EYA4: variants seen among roughly 807,000 people sequenced by gnomAD.
EYA4 encodes the protein protein phosphatase EYA4.
A neutral mutation model predicts 87.9 loss-of-function variants in EYA4; 31 were observed. The ratio of observed to expected loss-of-function variants is 0.35; its 90% CI spans 0.27 to 0.48. The LOEUF is 0.48. Among genes scored for constraint, EYA4 ranks in the 20% least tolerant of loss-of-function variants. The pLI, the probability that EYA4 is intolerant of heterozygous loss-of-function variation, is 0.99. For missense variants in EYA4, 678 were observed against 761.4 expected, an observed-to-expected ratio of 0.89 and a Z score of 1.29; for synonymous variants, 263 against 270.6, an observed-to-expected ratio of 0.97 and a Z score of 0.28.
At chr6:133,468,850 A>G in intron 11 of EYA4, 119 bp downstream of exon 11, 1 of 1,015,070 alleles carries the variant, frequency 9.9e-7, no homozygotes, top group Non-Finnish European at 1.5e-6. Flanking sequence ...CTGATGTTTA[A>G]TCTGTGTTAG....
chr6:133,246,549 C>T (rs1774423334), intron 1 of EYA4, among the ~76,000 whole-genome samples: 1 of 151,670 alleles, frequency 6.6e-6, no homozygotes, highest in African/African-American at 2.4e-5. Context: ...TTGCGTTAAA[C>T]CAATGTGGAA....
chr6:133,445,533 T>C (rs1288823226), intron 3 of EYA4, among the ~76,000 whole-genome samples: 1 of 151,994 alleles, frequency 6.6e-6, no homozygotes, highest in Non-Finnish European at 1.5e-5. Context: ...TGTAGCTTCT[T>C]TGGGCTACTG....
At chr6:133,467,489 G>A (rs1361795690) in intron 10 of EYA4, among the ~76,000 whole-genome samples, 1 of 152,010 alleles carries the variant, frequency 6.6e-6, no homozygotes, top group East Asian at 1.9e-4. Context: ...GAGAGATATT[G>A]GTAGGAACTT....
chr6:133,528,848 C>CA lies in EYA4; in HGVS notation c.*44dup, dbSNP rs768043447. 5.6e-6 allele frequency: 9 copies of CA among 1,611,242 alleles called. No homozygotes were observed. The African/African-American group carries it at 9.4e-5, about 17-fold the overall frequency. Reference sequence around the variant, plus strand: ...AGATCCATTTTTTATATTTCAAGTACACTGAATTTTTATGTGTGATTCAAT... The same window carrying CA: ...AGATCCATTTTTTATATTTCAAGTACAACTGAATTTTTATGTGTGATTCAAT... On this transcript the variant is annotated 3_prime_UTR_variant, in exon 20 of 20. Coordinates refer to ENST00000355286, the MANE Select transcript of EYA4 (RefSeq NM_004100.5).
intron 1 of EYA4, among the ~76,000 whole-genome samples, chr6:133,260,497 C>G (rs905066829): frequency 6.6e-6 from 1 of 152,150 alleles, no homozygotes; most frequent in East Asian, 1.9e-4. Context: ...CTGAGCCTCC[C>G]AATGTGCTGG....
At chr6:133,342,487 T>C (rs1782855057) in intron 2 of EYA4, among the ~76,000 whole-genome samples, 1 of 146,392 alleles carries the variant, frequency 6.8e-6, no homozygotes, top group South Asian at 2.2e-4. Context: ...GCCTGTTTTA[T>C]AGTGAGCTCT....
At chr6:133,479,960 A>G (rs1796065244) in intron 11 of EYA4, among the ~76,000 whole-genome samples, 1 of 152,204 alleles carries the variant, frequency 6.6e-6, no homozygotes, top group African/African-American at 2.4e-5. Flanking sequence ...TATCTATGGG[A>G]CGTACAGAAG....
rs532042308 is a variant in EYA4 at position 133,511,879 on chromosome 6, G to A, written c.1282-842G>A. On this transcript the variant is annotated intron_variant, in intron 14 of 19. Transcript: ENST00000355286. ...GCCTGTAGTCCCAGCTACTCGGGAG[G>A]CTGAGGCAGGAGAATGGCGTGAACC... Among the ~76,000 whole-genome samples the A allele has an allele frequency of 3.3e-5, 5 of 152,126 alleles. No homozygotes were observed. The South Asian group carries it at 1.0e-3, about 32-fold the overall frequency.
intron 13 of EYA4, among the ~76,000 whole-genome samples, chr6:133,492,412 A>T (rs1218177054): frequency 6.6e-6 from 1 of 151,488 alleles, no homozygotes; most frequent in Admixed American, 6.6e-5. Flanking sequence ...TCCTTTGCTG[A>T]TAAAAAAAAT....
chr6:133,288,964 A>C (rs570993806), intron 2 of EYA4, among the ~76,000 whole-genome samples: 1 of 152,196 alleles, frequency 6.6e-6, no homozygotes, highest in Non-Finnish European at 1.5e-5. Flanking sequence ...TGTGGTAAGA[A>C]AAGGCATCCC....
intron 2 of EYA4, among the ~76,000 whole-genome samples, chr6:133,294,727 G>A (rs759381704): frequency 1.3e-5 from 2 of 151,842 alleles, no homozygotes; most frequent in African/African-American, 2.4e-5. Flanking sequence ...ACCACCATGC[G>A]TGGCTAATTT....
intron 2 of EYA4, among the ~76,000 whole-genome samples, chr6:133,289,960 A>C (rs927723853): frequency 6.6e-6 from 1 of 152,188 alleles, no homozygotes; most frequent in Admixed American, 6.5e-5. Context: ...AACACTCCCT[A>C]CTTACTTTGC....
intron 1 of EYA4, among the ~76,000 whole-genome samples, chr6:133,268,428 G>A (rs1776402540): frequency 1.3e-5 from 2 of 152,140 alleles, no homozygotes; most frequent in South Asian, 2.1e-4. Context: ...GAGTAAGAAG[G>A]AACATCAGAT....
chr6:133,349,951 C>T (rs1783511652), intron 2 of EYA4, among the ~76,000 whole-genome samples: 1 of 152,080 alleles, frequency 6.6e-6, no homozygotes, highest in African/African-American at 2.4e-5. Context: ...TCTATTTTAG[C>T]AAACTTTACC....
intron 2 of EYA4, among the ~76,000 whole-genome samples, chr6:133,335,925 G>T (rs374140367): frequency 6.6e-6 from 1 of 152,142 alleles, no homozygotes; most frequent in East Asian, 1.9e-4. Flanking sequence ...GACTTTGGCT[G>T]TACTTGTAGA....
intron 2 of EYA4, among the ~76,000 whole-genome samples, chr6:133,362,863 C>T (rs143964887): frequency 1.3e-5 from 2 of 152,372 alleles, no homozygotes; most frequent in African/African-American, 4.8e-5. Flanking sequence ...TCAGCTTTAG[C>T]TTCTTTAAGG....
chr6:133,402,623 C>T (rs2128518364), intron 3 of EYA4, among the ~76,000 whole-genome samples: 1 of 152,054 alleles, frequency 6.6e-6, no homozygotes, highest in African/African-American at 2.4e-5. Context: ...TTTGATGAGG[C>T]ACTGTGGGAA....
chr6:133,450,561 TG>T (rs1291809886), intron 5 of EYA4, among the ~76,000 whole-genome samples: 2 of 152,342 alleles, frequency 1.3e-5, no homozygotes, highest in Non-Finnish European at 2.9e-5. Context: ...TGGAGTGCAG[TG>T]GTGCCATCTC....
intron 1 of EYA4, among the ~76,000 whole-genome samples, chr6:133,258,290 T>G (rs902118825): frequency 1.3e-5 from 2 of 152,210 alleles, no homozygotes; most frequent in Non-Finnish European, 2.9e-5. Flanking sequence ...TCTTTACATT[T>G]GGTTCAGTCA....
Sources: allele counts gnomAD v4.1 joint callset (sites outside exome capture counted in the v4.1 genomes callset), GRCh38; gene constraint gnomAD v4.1.1; transcripts MANE v1.5; gene names NCBI Gene and HGNC (gene_info 2026-07-23, HGNC 2026-07-21).